Variants in RPH3AL observed in about 807,000 individuals in gnomAD.
The protein encoded by RPH3AL is rab effector Noc2.
RPH3AL carries 38 observed loss-of-function variants against 43.1 expected under a neutral mutation model. The ratio of observed to expected loss-of-function variants is 0.88; its 90% confidence interval spans 0.68 to 1.15. RPH3AL has a LOEUF of 1.15. RPH3AL is among the 50% of genes most tolerant of loss of function. RPH3AL has a pLI of 0.00. For missense variants in RPH3AL, 462 were observed against 423.2 expected (o/e 1.09, Z -0.81); for synonymous variants, 189 against 176.3 (o/e 1.07, Z -0.57).
intron 7 of RPH3AL, among the ~76,000 whole-genome samples, chr17:223,764 C>T (rs540518274): frequency 6.6e-6 from 1 of 152,348 alleles, no homozygotes; most frequent in East Asian, 1.9e-4. Context: ...TGGCTCCAGC[C>T]TCTGTCACCT....
At chr17:257,733 C>T (rs1286865154) in intron 6 of RPH3AL, among the ~76,000 whole-genome samples, 1 of 58,444 alleles carries the variant, frequency 1.7e-5, no homozygotes, top group African/African-American at 7.0e-5. Context: ...GGGAGCCGCA[C>T]GGTGTCTGTC....
intron 6 of RPH3AL, among the ~76,000 whole-genome samples, chr17:266,022 G>A (rs979004713): frequency 1.3e-5 from 2 of 152,208 alleles, no homozygotes; most frequent in African/African-American, 4.8e-5. Flanking sequence ...AGGGCAGCTG[G>A]GCAGAGCTGT....
At chr17:301,450 C>T (rs745715555) in intron 5 of RPH3AL, among the ~76,000 whole-genome samples, 3 of 152,056 alleles carry the variant, frequency 2.0e-5, no homozygotes, top group Middle Eastern at 3.2e-3. Context: ...ATTATGGGTG[C>T]GCACCACCGT....
intron 7 of RPH3AL, among the ~76,000 whole-genome samples, chr17:237,670 C>T (rs1252796370): frequency 3.9e-5 from 6 of 152,182 alleles, no homozygotes; most frequent in African/African-American, 7.2e-5. Flanking sequence ...GAGGCCTCCC[C>T]AAATCTGGCC....
At chr17:314,403 T>C (rs921874271) in intron 5 of RPH3AL, among the ~76,000 whole-genome samples, 12 of 151,354 alleles carry the variant, frequency 7.9e-5, no homozygotes, top group African/African-American at 2.9e-4. Flanking sequence ...CCCAAGTCTC[T>C]GTGCCCCACC....
At chr17:261,611 T>C (rs2042196233) in intron 6 of RPH3AL, 1 of 152,232 alleles carries the variant, frequency 6.6e-6, no homozygotes, top group Non-Finnish European at 1.5e-5. Context: ...AGAATCGCAT[T>C]AGACTTATCA....
At chr17:217,511 C>T (rs1250792517) in intron 8 of RPH3AL, among the ~76,000 whole-genome samples, 175 of 65,406 alleles carry the variant, frequency 2.7e-3, no homozygotes, top group Middle Eastern at 6.2e-3. Flanking sequence ...AGCCCTTCTT[C>T]TGCGCTAAAA....
intron 5 of RPH3AL, among the ~76,000 whole-genome samples, chr17:311,187 A>G (rs1272125091): frequency 1.3e-5 from 2 of 152,132 alleles, no homozygotes; most frequent in Non-Finnish European, 2.9e-5. Flanking sequence ...CTCTGTTTTC[A>G]GGTCCCCAGG....
At position 340,339 on chromosome 17, in the gene RPH3AL, C is replaced by A. The variant is rs111575543; in HGVS notation, c.-212-6405G>T. On this transcript the variant is annotated intron_variant, in intron 1 of 9. Transcript: ENST00000331302. ...CCTGGTGTCATACCTCATGCCCAGG[C>A]CCAGGCCTCCCCACATCCACACTCA... is the stretch of plus-strand genomic sequence containing the variant. Among the ~76,000 whole-genome samples the A allele has an allele frequency of 5.3e-3, 794 of 149,912 alleles. 16 individuals are homozygous for A. The highest frequency in any genetic ancestry group is 0.019 in the African/African-American group (745 of 39,474).
intron 5 of RPH3AL, among the ~76,000 whole-genome samples, chr17:315,518 C>G (rs2043982038): frequency 6.6e-6 from 1 of 151,994 alleles, no homozygotes; most frequent in Admixed American, 6.5e-5. Flanking sequence ...CCTCCATTGA[C>G]CTGTAGTCCC....
chr17:242,901 ACCTTCCTCTATTGATTAC>A (rs1221261074), intron 7 of RPH3AL, among the ~76,000 whole-genome samples: 49 of 112,606 alleles, frequency 4.4e-4, no homozygotes, highest in South Asian at 6.6e-4. Context: ...TCTATTGACT[ACCTTCCTCTATTGATTAC>A]CCTTCCTCTA....
At chr17:216,597 G>A (rs902184811) in intron 8 of RPH3AL, among the ~76,000 whole-genome samples, 1 of 151,472 alleles carries the variant, frequency 6.6e-6, no homozygotes, top group Non-Finnish European at 1.5e-5. Flanking sequence ...AGAGCCCATG[G>A]TGGGAGGAGG....
At position 328,513 on chromosome 17, in the gene RPH3AL, C is replaced by T. The variant is rs1369352252; in HGVS notation, c.-36-934G>A. On this transcript the variant is annotated intron_variant, in intron 2 of 9. Coordinates refer to ENST00000331302, the MANE Select transcript of RPH3AL (RefSeq NM_006987.4). The surrounding 1 kb of genome is among the most constrained non-coding windows in gnomAD (Gnocchi z 4.2). Reference sequence around the variant, plus strand: ...TTTGACACTTCCTCAAAATGTTGAACACAGACTTACCATATGACCCAGAAA... The same window carrying T: ...TTTGACACTTCCTCAAAATGTTGAATACAGACTTACCATATGACCCAGAAA... Among the ~76,000 whole-genome samples the T allele has an allele frequency of 6.6e-6, 1 of 151,982 alleles. No homozygotes were observed. Among genetic ancestry groups the T allele is most frequent in the Non-Finnish European group, 1.5e-5 (1 of 68,010 alleles).
chr17:273,041 G>A (rs1027563307), intron 6 of RPH3AL, among the ~76,000 whole-genome samples: 9 of 101,638 alleles, frequency 8.9e-5, no homozygotes, highest in East Asian at 3.5e-4. Context: ...CAGCGAGGGC[G>A]ACGTCAGGGA....
intron 5 of RPH3AL, among the ~76,000 whole-genome samples, chr17:315,708 CCTTGTGCCCCACCTCTATTGACCCGTAG>C (rs2044053028): frequency 1.3e-5 from 2 of 150,028 alleles, no homozygotes; most frequent in African/African-American, 4.9e-5. Flanking sequence ...GACCTGTAGT[CCTTGTGCCCCACCTCTATTGACCCGTAG>C]TCTCTGTGCT....
chr17:247,058 C>A, intron 7 of RPH3AL, 53 bp downstream of exon 7: 1 of 1,604,744 alleles, frequency 6.2e-7, no homozygotes, highest in East Asian at 2.2e-5. Flanking sequence ...GCCGGGCTGG[C>A]TAATGACCCA....
chr17:275,697 C>A (rs1023036875), intron 6 of RPH3AL, among the ~76,000 whole-genome samples: 2 of 152,138 alleles, frequency 1.3e-5, no homozygotes, highest in Non-Finnish European at 2.9e-5. Context: ...CAGGCGTGTG[C>A]CACTATACCT....
chr17:323,708 T>G lies in RPH3AL; in HGVS notation c.78-2293A>C, dbSNP rs2044541629. 6.6e-6 allele frequency among the ~76,000 whole-genome samples: 1 copy of G among 152,184 alleles called. No homozygotes were observed. Among genetic ancestry groups the G allele is most frequent in the Non-Finnish European group, 1.5e-5 (1 of 68,018 alleles). On this transcript the variant is annotated intron_variant, in intron 3 of 9. Transcript: ENST00000331302. This position sits in a 1 kb window ranked among gnomAD's most constrained non-coding sequence, Gnocchi z 4.4. ...GCACCGCCACCACTGCCTGTCCTGATGGACACGGGTCCCACGAGCTTGTTC... is the reference window on the plus strand; with the variant it reads ...GCACCGCCACCACTGCCTGTCCTGAGGGACACGGGTCCCACGAGCTTGTTC...
chr17:326,874 A>G (rs989069184), intron 3 of RPH3AL, among the ~76,000 whole-genome samples: 7 of 152,206 alleles, frequency 4.6e-5, no homozygotes, highest in African/African-American at 1.7e-4. Flanking sequence ...AAAGAAAGCC[A>G]GGACCCCCAA....
Sources: gnomAD v4.1 joint callset for allele counts (sites outside exome capture counted in the v4.1 genomes callset) on GRCh38, gnomAD v4.1.1 for gene constraint, Gnocchi (gnomAD v3.1) non-coding constraint, MANE v1.5 for transcripts, NCBI Gene and HGNC (gene_info 2026-07-23, HGNC 2026-07-21) for gene names.